Variants in ABI3BP observed in about 807,000 individuals in gnomAD.
ABI3BP encodes ABI family member 3 binding protein.
In ABI3BP, 216 loss-of-function variants were observed where a neutral mutation model predicts 268.6. The observed-to-expected ratio is 0.80, with a 90% CI of 0.72 to 0.90. The LOEUF is 0.90. ABI3BP is among the 40% of genes least tolerant of loss of function. The pLI is 0.00. For missense variants in ABI3BP, 2,090 were observed against 2,182.4 expected, an observed-to-expected ratio of 0.96 and a Z score of 0.84; for synonymous variants, 730 against 730.0, an observed-to-expected ratio of 1.00 and a Z score of 0.00.
intron 57 of ABI3BP, among the ~76,000 whole-genome samples, chr3:100,785,606 C>G (rs2097014035): frequency 6.6e-6 from 1 of 152,180 alleles, no homozygotes; most frequent in Non-Finnish European, 1.5e-5. Flanking sequence ...ACATTCACTA[C>G]TATATTCAAT....
chr3:100,889,854 G>A (rs530335467), intron 4 of ABI3BP, among the ~76,000 whole-genome samples: 121 of 152,150 alleles, frequency 8.0e-4, no homozygotes, highest in African/African-American at 2.5e-3. Flanking sequence ...AGCTTGACTC[G>A]GATTTTAGTC....
chr3:100,944,139 T>A (rs1238202745), intron 1 of ABI3BP, among the ~76,000 whole-genome samples: 1 of 152,166 alleles, frequency 6.6e-6, no homozygotes, highest in African/African-American at 2.4e-5. Context: ...ATGAGCCTCT[T>A]TTGACAATTA....
intron 1 of ABI3BP, among the ~76,000 whole-genome samples, chr3:100,956,285 A>G (rs974472265): frequency 2.0e-5 from 3 of 151,030 alleles, no homozygotes; most frequent in African/African-American, 7.3e-5. Context: ...ATGATGGGGT[A>G]GATACCACTG....
chr3:100,991,699 T>G (rs1311590177), intron 1 of ABI3BP, among the ~76,000 whole-genome samples: 1 of 152,220 alleles, frequency 6.6e-6, no homozygotes, highest in African/African-American at 2.4e-5. Flanking sequence ...AATTTGATGT[T>G]TTTTTCCAAA....
chr3:100,949,574 A>G (rs2074046648), intron 1 of ABI3BP, among the ~76,000 whole-genome samples: 1 of 152,108 alleles, frequency 6.6e-6, no homozygotes, highest in Non-Finnish European at 1.5e-5. Context: ...CCAACAATTG[A>G]ATTTATTTTG....
intron 62 of ABI3BP, among the ~76,000 whole-genome samples, chr3:100,768,360 T>C (rs1439509829): frequency 1.3e-5 from 2 of 152,202 alleles, no homozygotes; most frequent in Non-Finnish European, 2.9e-5. Context: ...AGTGCTGGGA[T>C]TACAGGCGTG....
At position 100,808,217 on chromosome 3, in the gene ABI3BP, C is replaced by T. The variant is rs768551201; in HGVS notation, c.3626G>A (p.Arg1209His). 32 of 1,610,582 alleles carry T rather than the reference C, an allele frequency of 2.0e-5. No homozygotes were observed. The highest frequency in any genetic ancestry group is 5.0e-5 in the Admixed American group (3 of 59,660). The change falls in exon 50 of 68, where the codon CGT (arginine) becomes CAT (histidine). Residue 1209 changes from arginine to histidine, a missense_variant. By Grantham distance (29) the Arg-to-His change is conservative (BLOSUM62 0). Coordinates refer to ENST00000471714, the MANE Select transcript of ABI3BP (RefSeq NM_001375547.2). ...TGATGTTTTTGGCTTAGGAGGAGCA[C>T]GTGGTGTCTGCTTGGGAGCTAAAAG... is the stretch of plus-strand genomic sequence containing the variant. ...QTEPAPKQTP[R>H]APPKPKTSPR...
At chr3:100,776,219 G>T (rs1370854980) in intron 59 of ABI3BP, among the ~76,000 whole-genome samples, 9 of 152,166 alleles carry the variant, frequency 5.9e-5, no homozygotes, top group Non-Finnish European at 1.2e-4. Flanking sequence ...GGGCAATAGA[G>T]AGTCAAGGGA....
Position 100,818,530 on chromosome 3 carries a change from G to A in ABI3BP, c.3083C>T (p.Thr1028Ile). Reference protein sequence around the residue: ...PGTLRTEAPKTMVVTTVLEPD... With the variant: ...PGTLRTEAPKIMVVTTVLEPD... The stretch of plus-strand genomic sequence containing the variant: ...AGGACACACATTCTCATTACCCATG[G>A]TTTTTGGAGCTTCAGTTCTGAGAGT... Residue 1028 changes from threonine (T) to isoleucine (I), a missense_variant, in exon 41 of 68, where the codon ACC (threonine) becomes ATC (isoleucine). Thr to Ile is a moderately conservative substitution (Grantham distance 89). Transcript: ENST00000471714. 2 of 1,534,962 alleles carry A rather than the reference G, an allele frequency of 1.3e-6. No individual in the cohort carries two copies. Among genetic ancestry groups the A allele is most frequent in the Non-Finnish European group, 8.7e-7 (1 of 1,145,960 alleles).
intron 46 of ABI3BP, 47 bp downstream of exon 46, chr3:100,812,420 G>T (rs2152503544): frequency 8.2e-7 from 1 of 1,219,640 alleles, no homozygotes; most frequent in African/African-American, 1.6e-5. Context: ...TTTGCAATGA[G>T]ATGGAAAAGC....
At chr3:100,911,197 G>A (rs1023576371) in intron 2 of ABI3BP, 19 of 394,868 alleles carry the variant, frequency 4.8e-5, no homozygotes, top group Non-Finnish European at 8.5e-5. Context: ...ACTAGCTTCA[G>A]GAATGTCAGT....
At chr3:100,792,834 C>G in intron 54 of ABI3BP, 66 bp from the exon 55 acceptor site, 1 of 1,374,154 alleles carries the variant, frequency 7.3e-7, no homozygotes, top group East Asian at 2.3e-5. Flanking sequence ...CCAAAAAAAC[C>G]CATACTCTTT....
intron 40 of ABI3BP, among the ~76,000 whole-genome samples, chr3:100,819,678 G>A (rs548627253): frequency 4.5e-4 from 69 of 152,162 alleles, no homozygotes; most frequent in African/African-American, 1.4e-3. Context: ...GAGGCCGGGC[G>A]TGGTGGCTTA....
intron 51 of ABI3BP, among the ~76,000 whole-genome samples, chr3:100,800,573 A>T (rs1215562110): frequency 6.6e-6 from 1 of 152,064 alleles, no homozygotes; most frequent in Non-Finnish European, 1.5e-5. Flanking sequence ...TCCCTGGTTC[A>T]TGCCATTCTC....
intron 11 of ABI3BP, chr3:100,864,438 C>T: frequency 6.0e-6 from 2 of 331,920 alleles, no homozygotes; most frequent in Non-Finnish European, 1.1e-5. Flanking sequence ...GGGATTCTTC[C>T]CAAATTTAGT....
intron 14 of ABI3BP, among the ~76,000 whole-genome samples, chr3:100,857,341 T>C (rs1374528384): frequency 6.6e-6 from 1 of 152,210 alleles, no homozygotes; most frequent in Non-Finnish European, 1.5e-5. Flanking sequence ...CTTTATATAT[T>C]GTGCATTATA....
At chr3:100,759,960 G>T (rs1195749148) in intron 63 of ABI3BP, among the ~76,000 whole-genome samples, 6 of 152,192 alleles carry the variant, frequency 3.9e-5, no homozygotes, top group Non-Finnish European at 5.9e-5. Context: ...ACTATGAAAA[G>T]GGTATAATGG....
At chr3:100,763,225 C>A (rs1490702638) in intron 63 of ABI3BP, among the ~76,000 whole-genome samples, 1 of 152,032 alleles carries the variant, frequency 6.6e-6, no homozygotes, top group Non-Finnish European at 1.5e-5. Flanking sequence ...CTTTGGGAAG[C>A]TGAGGCAGGT....
intron 62 of ABI3BP, among the ~76,000 whole-genome samples, chr3:100,770,354 C>A (rs903741161): frequency 6.6e-6 from 1 of 152,128 alleles, no homozygotes; most frequent in Middle Eastern, 3.4e-3. Context: ...GTTGAAGTAA[C>A]CTTTAGTCTG....
Sources: gnomAD v4.1 joint callset for allele counts (sites outside exome capture counted in the v4.1 genomes callset) on GRCh38, gnomAD v4.1.1 for gene constraint, MANE v1.5 for transcripts, NCBI Gene and HGNC (gene_info 2026-07-23, HGNC 2026-07-21) for gene names.